Variants in RAB3C observed in about 807,000 individuals in gnomAD.
The protein encoded by RAB3C is RAB3C, member RAS oncogene family.
In RAB3C, 17 loss-of-function variants were observed where a neutral mutation model predicts 26.4. The observed-to-expected ratio is 0.64, with a 90% CI of 0.44 to 0.97. The LOEUF (loss-of-function observed/expected upper bound fraction) is 0.97. Among genes scored for constraint, RAB3C ranks in the 50% least tolerant of loss-of-function variants. The pLI, the probability that RAB3C is intolerant of heterozygous loss-of-function variation, is 0.00. For missense variants in RAB3C, 242 were observed against 281.9 expected, an observed-to-expected ratio of 0.86 and a Z score of 1.01; for synonymous variants, 91 against 95.9, an observed-to-expected ratio of 0.95 and a Z score of 0.30.
chr5:58,830,938 T>C (rs893994322), intron 4 of RAB3C, among the ~76,000 whole-genome samples: 4 of 152,092 alleles, frequency 2.6e-5, no homozygotes, highest in Non-Finnish European at 4.4e-5. Context: ...AATAGTAGCA[T>C]GATCATAGCT....
intron 3 of RAB3C, among the ~76,000 whole-genome samples, chr5:58,773,180 A>G (rs1428832474): frequency 3.9e-5 from 6 of 152,156 alleles, no homozygotes; most frequent in Admixed American, 2.0e-4. Context: ...TGAAGAGATA[A>G]AGGCAAGTTA....
intron 3 of RAB3C, chr5:58,817,084 A>G (rs1579935096): frequency 6.6e-6 from 1 of 152,230 alleles, no homozygotes; most frequent in East Asian, 1.9e-4. Context: ...CACAGGTCAA[A>G]TCTCCTTATA....
At chr5:58,654,395 C>T (rs757118933) in intron 2 of RAB3C, among the ~76,000 whole-genome samples, 28 of 152,052 alleles carry the variant, frequency 1.8e-4, no homozygotes, top group Non-Finnish European at 4.0e-4. Context: ...TTACTTTACC[C>T]TACAAGATTC....
At chr5:58,656,771 AG>A (rs964336991) in intron 2 of RAB3C, among the ~76,000 whole-genome samples, 1 of 152,180 alleles carries the variant, frequency 6.6e-6, no homozygotes, top group African/African-American at 2.4e-5. Flanking sequence ...ATGAGTGGTC[AG>A]GGCTCGACTG....
intron 2 of RAB3C, among the ~76,000 whole-genome samples, chr5:58,669,915 G>A (rs1273923007): frequency 6.6e-6 from 1 of 152,094 alleles, no homozygotes; most frequent in African/African-American, 2.4e-5. Flanking sequence ...GATGGATTTG[G>A]TGACTTCTGA....
chr5:58,632,745 G>A (rs565512017), intron 2 of RAB3C, among the ~76,000 whole-genome samples: 1 of 152,144 alleles, frequency 6.6e-6, no homozygotes. Flanking sequence ...TTTGACAATG[G>A]TTCTACTTGC....
intron 4 of RAB3C, among the ~76,000 whole-genome samples, chr5:58,850,731 G>A (rs1019916117): frequency 2.6e-5 from 4 of 152,168 alleles, no homozygotes; most frequent in Non-Finnish European, 5.9e-5. Context: ...ATAATGCCAT[G>A]AAAAGATTGC....
At chr5:58,775,022 G>A (rs1742097398) in intron 3 of RAB3C, among the ~76,000 whole-genome samples, 1 of 152,118 alleles carries the variant, frequency 6.6e-6, no homozygotes, top group South Asian at 2.1e-4. Flanking sequence ...ATATATTTAA[G>A]AGGATCCCTC....
chr5:58,712,568 A>G (rs915525687), intron 2 of RAB3C, among the ~76,000 whole-genome samples: 3 of 152,164 alleles, frequency 2.0e-5, no homozygotes, highest in Admixed American at 1.3e-4. Context: ...TCTATCACCC[A>G]GGCTGGAGTT....
At chr5:58,792,446 A>G (rs925954777) in intron 3 of RAB3C, among the ~76,000 whole-genome samples, 3 of 152,242 alleles carry the variant, frequency 2.0e-5, no homozygotes, top group Non-Finnish European at 4.4e-5. Flanking sequence ...CACGGAAAAA[A>G]GCAAGAAATT....
intron 2 of RAB3C, among the ~76,000 whole-genome samples, chr5:58,709,121 T>C (rs1045150566): frequency 1.3e-5 from 2 of 152,252 alleles, no homozygotes; most frequent in Admixed American, 6.5e-5. Context: ...AAATTTGTTT[T>C]CTCTGCCTTA....
chr5:58,829,726 G>A (rs1743571726), intron 4 of RAB3C, among the ~76,000 whole-genome samples: 1 of 152,046 alleles, frequency 6.6e-6, no homozygotes, highest in Non-Finnish European at 1.5e-5. Context: ...TATCTTAATA[G>A]CCTCTGAACA....
chr5:58,608,951 AAC>A (rs1281989039), intron 1 of RAB3C, among the ~76,000 whole-genome samples: 1 of 152,162 alleles, frequency 6.6e-6, no homozygotes, highest in Non-Finnish European at 1.5e-5. Flanking sequence ...CAGAAAACCA[AAC>A]ACAGCATGTT....
intron 3 of RAB3C, among the ~76,000 whole-genome samples, chr5:58,809,228 T>C (rs1561137862): frequency 6.6e-6 from 1 of 152,142 alleles, no homozygotes; most frequent in East Asian, 1.9e-4. Flanking sequence ...TCTTTTCATA[T>C]AAAAATAGAA....
chr5:58,593,222 A>G (rs1452426675), intron 1 of RAB3C, among the ~76,000 whole-genome samples: 1 of 152,084 alleles, frequency 6.6e-6, no homozygotes, highest in Non-Finnish European at 1.5e-5. Flanking sequence ...CATTTTAGTT[A>G]TTGTACTTTT....
intron 3 of RAB3C, among the ~76,000 whole-genome samples, chr5:58,777,458 GC>G (rs1357498189): frequency 6.6e-6 from 1 of 151,956 alleles, no homozygotes; most frequent in Admixed American, 6.6e-5. Flanking sequence ...TTTTTAAGAA[GC>G]TTTACCAAAT....
At chr5:58,734,077 A>G (rs1741085728) in intron 3 of RAB3C, among the ~76,000 whole-genome samples, 1 of 152,190 alleles carries the variant, frequency 6.6e-6, no homozygotes, top group Non-Finnish European at 1.5e-5. Flanking sequence ...AAGAAATCAG[A>G]GGCTGAGGAT....
intron 3 of RAB3C, among the ~76,000 whole-genome samples, chr5:58,813,083 C>A (rs984732116): frequency 3.3e-5 from 5 of 152,084 alleles, no homozygotes; most frequent in African/African-American, 9.7e-5. Flanking sequence ...TAGTAACTTA[C>A]CCTTGTAAGT....
At chr5:58,640,336 G>A (rs1747389393) in intron 2 of RAB3C, among the ~76,000 whole-genome samples, 1 of 152,182 alleles carries the variant, frequency 6.6e-6, no homozygotes, top group African/African-American at 2.4e-5. Flanking sequence ...ATCAGAACTT[G>A]TAAAGTAGGA....
Sources: gnomAD v4.1 joint callset for allele counts (sites outside exome capture counted in the v4.1 genomes callset) on GRCh38, gnomAD v4.1.1 for gene constraint, MANE v1.5 for transcripts, NCBI Gene and HGNC (gene_info 2026-07-23, HGNC 2026-07-21) for gene names.